HFM1: variants seen among roughly 807,000 people sequenced by gnomAD.
HFM1 encodes helicase for meiosis 1, also known as probable ATP-dependent DNA helicase HFM1.
HFM1 carries 169 observed loss-of-function variants against 192.1 expected under a neutral mutation model. That is an observed-to-expected ratio of 0.88 (90% confidence interval 0.78 to 1.00). The LOEUF is 1.00. HFM1 is among the 50% of genes least tolerant of loss of function. The pLI is 0.00. For synonymous variants in HFM1, 525 were observed against 537.8 expected, an observed-to-expected ratio of 0.98 and a Z score of 0.33; for missense variants, 1,661 against 1,668.0, an observed-to-expected ratio of 1.00 and a Z score of 0.07.
At chr1:91,389,576 G>A (rs1206905684) in intron 4 of HFM1, among the ~76,000 whole-genome samples, 1 of 152,156 alleles carries the variant, frequency 6.6e-6, no homozygotes, top group African/African-American at 2.4e-5. Context: ...AACCATGGGA[G>A]AACATAACTA....
Position 91,263,385 on chromosome 1 carries a change from G to A in HFM1, c.3975-793C>T, listed in dbSNP as rs148152797. Among the ~76,000 whole-genome samples the A allele has an allele frequency of 3.4e-4, 52 of 152,166 alleles. No individual in the cohort carries two copies. The East Asian group carries it at 7.2e-3, about 21-fold the overall frequency. ...TCACATATACTGATAGAATTGGATC[G>A]TTTTGTCTCTGACTAATAAATATAT... On this transcript the variant is annotated intron_variant, in intron 36 of 38. Transcript: ENST00000370425.
intron 2 of HFM1, among the ~76,000 whole-genome samples, chr1:91,399,641 C>T (rs141538222): frequency 3.7e-4 from 57 of 152,200 alleles, no homozygotes; most frequent in African/African-American, 1.3e-3. Context: ...GTCCTATCTC[C>T]ATTCTTTTTC....
At chr1:91,403,766 T>C (rs1315470817) in intron 1 of HFM1, among the ~76,000 whole-genome samples, 1 of 152,184 alleles carries the variant, frequency 6.6e-6, no homozygotes, top group Non-Finnish European at 1.5e-5. Flanking sequence ...CGACCTTCTC[T>C]AGTTATATTA....
At chr1:91,273,515 A>G (rs1450636098) in intron 34 of HFM1, among the ~76,000 whole-genome samples, 197 bp downstream of exon 34, 7 of 152,022 alleles carry the variant, frequency 4.6e-5, no homozygotes, top group Non-Finnish European at 1.0e-4. Context: ...TTTTTTTTAA[A>G]AAGTACAACA....
In HFM1 at chr1:91,319,159, T is replaced by A; in HGVS notation, c.2731A>T (p.Asn911Tyr). The A allele has an allele frequency of 6.2e-7, 1 of 1,610,774 alleles. No individual in the cohort carries two copies. The highest frequency in any genetic ancestry group is 8.5e-7 in the Non-Finnish European group (1 of 1,178,974). ...AQEKKFAVLL[N>Y]SLILAKCFRC... ...AAACATTTAGCTAAAATCAAACTATTCAATAGTACAGCAAACTTCTTTTCT... is the reference window on the plus strand; with the variant it reads ...AAACATTTAGCTAAAATCAAACTATACAATAGTACAGCAAACTTCTTTTCT... The change falls in exon 25 of 39, where the codon AAT (asparagine) becomes TAT (tyrosine). Residue 911 changes from asparagine to tyrosine, a missense_variant. By Grantham distance (143) the Asn-to-Tyr change is moderately radical. Transcript: ENST00000370425.
chr1:91,265,652 T>C (rs1665695145), intron 36 of HFM1, among the ~76,000 whole-genome samples: 1 of 152,210 alleles, frequency 6.6e-6, no homozygotes, highest in Non-Finnish European at 1.5e-5. Context: ...TCAAGCCTTA[T>C]CCCTTTAGAG....
In HFM1 at chr1:91,319,320, A is replaced by G; in HGVS notation, c.2653T>C (p.Phe885Leu). ...FALTQDTAKI[F>L]RHGSRITRWL... ...CTTGTAATTCGGGAGCCATGTCTGA[A>G]AATCTTTGCGGTATCTTGTGTCAAA... is the stretch of plus-strand genomic sequence containing the variant. Residue 885 changes from phenylalanine to leucine, a missense_variant, in exon 24 of 39, where the codon TTC becomes CTC. Transcript: ENST00000370425. 6.2e-7 allele frequency: 1 copy of G among 1,612,030 alleles called. No individual in the cohort carries two copies. The highest frequency in any genetic ancestry group is 8.5e-7 in the Non-Finnish European group (1 of 1,178,130).
At chr1:91,333,034 T>C (rs1441982322) in intron 20 of HFM1, among the ~76,000 whole-genome samples, 3 of 152,180 alleles carry the variant, frequency 2.0e-5, no homozygotes, top group Non-Finnish European at 4.4e-5. Context: ...CTATGGAGAA[T>C]AGTTTGGAGG....
rs374807157 is a variant in HFM1, at chr1:91,319,046, G to A, written c.2812+32C>T. 2.1e-5 allele frequency: 32 copies of A among 1,554,462 alleles called. No individual in the cohort carries two copies. In the African/African-American group the frequency reaches 4.4e-4, roughly 22 times the overall value. ...TGAATACAAAATAAATTGCAGACATGGCCAAACTGCCTGCCTGTATTCAGT... is the reference window on the plus strand; with the variant it reads ...TGAATACAAAATAAATTGCAGACATAGCCAAACTGCCTGCCTGTATTCAGT... On this transcript the variant is annotated intron_variant, in intron 25 of 38. Coordinates refer to ENST00000370425, the MANE Select transcript of HFM1 (RefSeq NM_001017975.6).
chr1:91,385,904 T>C, intron 4 of HFM1, 70 bp from the exon 5 acceptor site: 1 of 1,329,454 alleles, frequency 7.5e-7, no homozygotes. Context: ...AAAACTAGCA[T>C]AAAATTGGCC....
rs1397807111 is a variant in HFM1, at chr1:91,331,514, T to A, written c.2336-6748A>T. ...TTCCATGAAAAACCTGAAAAAGAAA[T>A]AAAAAAGTAATCCCATTTATAATAG... On this transcript the variant is annotated intron_variant, in intron 20 of 38. Coordinates refer to ENST00000370425, the MANE Select transcript of HFM1 (RefSeq NM_001017975.6). Among the ~76,000 whole-genome samples, 5 of 150,302 alleles carry A rather than the reference T, an allele frequency of 3.3e-5. No homozygotes were observed. In the South Asian group the frequency reaches 1.1e-3, roughly 32 times the overall value.
At position 91,380,934 on chromosome 1, in the gene HFM1, A is replaced by G. The variant is rs1421776011; in HGVS notation, c.851T>C (p.Ile284Thr). 2 of 1,460,660 alleles carry G rather than the reference A, an allele frequency of 1.4e-6. No individual in the cohort carries two copies. The highest frequency in any genetic ancestry group is 1.9e-6 in the Non-Finnish European group (2 of 1,042,670). 90.5% of individuals were successfully genotyped at this position (1,460,660 alleles called of 1,614,324 possible). A position where few individuals can be genotyped will look rare whatever the true frequency, so the allele number is the denominator to read the frequency against. The change falls in exon 7 of 39, where the codon ATA (isoleucine) becomes ACA (threonine). Residue 284 changes from isoleucine (I) to threonine (T), a missense_variant. Ile to Thr is a moderately conservative substitution (Grantham distance 89). Coordinates refer to ENST00000370425, the MANE Select transcript of HFM1 (RefSeq NM_001017975.6). ...TACATCATCAAAGGCCTTGGACTGTATATAGTTGAAATATGGAAATTCTTT... is the reference window on the plus strand; with the variant it reads ...TACATCATCAAAGGCCTTGGACTGTGTATAGTTGAAATATGGAAATTCTTT... Reference protein sequence around the residue: ...IFKEFPYFNYIQSKAFDDLLY... With the variant: ...IFKEFPYFNYTQSKAFDDLLY...
At position 91,350,889 on chromosome 1, in the gene HFM1, T is replaced by C; in HGVS notation, c.2073-18A>G. 1.3e-6 allele frequency: 2 copies of C among 1,558,128 alleles called. No individual in the cohort carries two copies. Among genetic ancestry groups the C allele is most frequent in the Non-Finnish European group, 1.7e-6 (2 of 1,144,618 alleles). The stretch of plus-strand genomic sequence containing the variant: ...TGTGCAAACTAATGAAAAAAAACTT[T>C]GCATTATGAATATGCAGTTCAATGC... On this transcript the variant is annotated intron_variant, in intron 17 of 38. Coordinates refer to ENST00000370425, the MANE Select transcript of HFM1 (RefSeq NM_001017975.6).
chr1:91,375,475 A>C (rs772159947), intron 12 of HFM1, 29 bp from the exon 13 acceptor site: 3 of 1,610,290 alleles, frequency 1.9e-6, no homozygotes, highest in Non-Finnish European at 2.5e-6. Flanking sequence ...CGTTTGTATT[A>C]ATCATGTTAA....
intron 30 of HFM1, among the ~76,000 whole-genome samples, chr1:91,293,475 A>T (rs1669023947): frequency 6.6e-6 from 1 of 151,984 alleles, no homozygotes; most frequent in Admixed American, 6.6e-5. Flanking sequence ...CCATCAGAGA[A>T]ATGCAAATCA....
intron 13 of HFM1, among the ~76,000 whole-genome samples, chr1:91,370,429 G>C (rs1308438631): frequency 6.6e-6 from 1 of 152,170 alleles, no homozygotes; most frequent in Non-Finnish European, 1.5e-5. Context: ...TGCAAGCCTG[G>C]TTCAACACAC....
At chr1:91,365,054 G>A (rs552328862) in intron 13 of HFM1, among the ~76,000 whole-genome samples, 3 of 152,158 alleles carry the variant, frequency 2.0e-5, no homozygotes, top group African/African-American at 7.2e-5. Flanking sequence ...GGCTGGACCT[G>A]GAGTACATTG....
In HFM1 at chr1:91,367,764, C is replaced by T. The variant is rs545603320; in HGVS notation, c.1685+7594G>A. 1.5e-4 allele frequency among the ~76,000 whole-genome samples: 23 copies of T among 152,044 alleles called. No homozygotes were observed. The East Asian group carries it at 3.1e-3, about 20-fold the overall frequency. On this transcript the variant is annotated intron_variant, in intron 13 of 38. Transcript: ENST00000370425. ...ACACAGCTGGACGGAGAATGACTGA[C>T]GAGTTGAGAGAGGAAGGCTTCAGAA...
chr1:91,292,020 C>G (rs1383596972), intron 30 of HFM1, among the ~76,000 whole-genome samples: 1 of 152,124 alleles, frequency 6.6e-6, no homozygotes, highest in East Asian at 1.9e-4. Context: ...GCTAAAAACT[C>G]TCAATAAATT....
Sources: gnomAD v4.1 joint callset for allele counts (sites outside exome capture counted in the v4.1 genomes callset) on GRCh38, gnomAD v4.1.1 for gene constraint, MANE v1.5 for transcripts, NCBI Gene and HGNC (gene_info 2026-07-23, HGNC 2026-07-21) for gene names.